PREX1: variants seen among roughly 807,000 people sequenced by gnomAD.
PREX1 encodes phosphatidylinositol-3,4,5-trisphosphate dependent Rac exchange factor 1, also known as phosphatidylinositol 3,4,5-trisphosphate-dependent Rac exchanger 1 protein.
A neutral mutation model predicts 198.3 loss-of-function variants in PREX1; 41 were observed. That is an observed-to-expected ratio of 0.21 (90% CI 0.16 to 0.27). The LOEUF (loss-of-function observed/expected upper bound fraction) is 0.27, where lower values mean the gene tolerates loss of function less well. PREX1 is among the 10% of genes least tolerant of loss of function. The pLI, the probability that PREX1 is intolerant of heterozygous loss-of-function variation, is 1.00. For synonymous variants in PREX1, 843 were observed against 887.2 expected (o/e 0.95, Z 0.89); for missense variants, 1,620 against 2,200.7 (o/e 0.74, Z 5.28).
chr20:48,719,267 C>T (rs2123112047), intron 5 of PREX1, among the ~76,000 whole-genome samples: 1 of 152,128 alleles, frequency 6.6e-6, no homozygotes, highest in East Asian at 1.9e-4. Context: ...GATGGGGCAG[C>T]TGAGCATGGC....
chr20:48,870,381 C>T, the PREX1 span, among the ~76,000 whole-genome samples: 4 of 152,216 alleles, frequency 2.6e-5, no homozygotes, highest in East Asian at 1.9e-4. Flanking sequence ...TTGAGTGACT[C>T]GCCTCAAGTT....
rs764630993 is a variant in PREX1 at position 48,734,535 on chromosome 20, G to C, written c.519+11C>G. On this transcript the variant is annotated intron_variant, in intron 4 of 39. Coordinates refer to ENST00000371941, the MANE Select transcript of PREX1 (RefSeq NM_020820.4). The stretch of plus-strand genomic sequence containing the variant: ...GTGCAAGGGAGCACCAGGGCTGACG[G>C]GTCAACTTACCAAAAGGAAGGCGCG... 10 of 1,611,818 alleles carry C rather than the reference G, an allele frequency of 6.2e-6. No individual in the cohort carries two copies. The highest frequency in any genetic ancestry group is 3.3e-5 in the South Asian group (3 of 91,028).
intron 2 of PREX1, among the ~76,000 whole-genome samples, chr20:48,745,729 C>A (rs1421479341): frequency 6.6e-6 from 1 of 152,198 alleles, no homozygotes; most frequent in African/African-American, 2.4e-5. Context: ...AACACTAATA[C>A]AATTTGACCC....
rs530274617 is a variant in PREX1, at chr20:48,694,114, G to A, written c.918-1324C>T. On this transcript the variant is annotated intron_variant, in intron 7 of 39. Coordinates refer to ENST00000371941, the MANE Select transcript of PREX1 (RefSeq NM_020820.4). ...TTTAGTAGAGACAGGGTTTCACCATGTTGGCCAGGCTGGTCTCGAACTCCT... is the reference window on the plus strand; with the variant it reads ...TTTAGTAGAGACAGGGTTTCACCATATTGGCCAGGCTGGTCTCGAACTCCT... Among the ~76,000 whole-genome samples the A allele has an allele frequency of 3.2e-3, 486 of 152,120 alleles. 1 individual carries two copies. Among genetic ancestry groups the A allele is most frequent in the African/African-American group, 0.011 (450 of 41,498 alleles).
In PREX1 at chr20:48,657,649, C is replaced by CCA. The variant is rs1304577997; in HGVS notation, c.1975-463_1975-462dup. On this transcript the variant is annotated intron_variant, in intron 17 of 39. Transcript: ENST00000371941. ...TTGCAGCCCAAAGCATTCCTAATTGCCACAGGGGCAAGCTGGGCTCCAGCC... is the reference window on the plus strand; with the variant it reads ...TTGCAGCCCAAAGCATTCCTAATTGCCACACAGGGGCAAGCTGGGCTCCAGCC... Among the ~76,000 whole-genome samples, 8 of 152,310 alleles carry CCA rather than the reference C, an allele frequency of 5.3e-5. No homozygotes were observed. The East Asian group carries it at 1.2e-3, about 22-fold the overall frequency.
At chr20:48,800,091 G>A (rs1010857588) in intron 1 of PREX1, among the ~76,000 whole-genome samples, 3 of 152,178 alleles carry the variant, frequency 2.0e-5, no homozygotes, top group African/African-American at 4.8e-5. Flanking sequence ...TTTGAATAAA[G>A]CTATTTCACC....
intron 1 of PREX1, among the ~76,000 whole-genome samples, chr20:48,784,898 T>G (rs117732959): frequency 2.0e-3 from 304 of 151,976 alleles, no homozygotes; most frequent in Middle Eastern, 0.014. Flanking sequence ...CTTCCAGATA[T>G]CATTTCTATT....
chr20:48,726,432 T>C (rs370515411), intron 4 of PREX1, 41 bp from the exon 5 acceptor site: 3 of 1,470,626 alleles, frequency 2.0e-6, no homozygotes, highest in African/African-American at 1.4e-5. Flanking sequence ...CCACCAAGGA[T>C]AGCACAGGGA....
intron 1 of PREX1, among the ~76,000 whole-genome samples, chr20:48,791,934 C>T (rs770070325): frequency 2.6e-5 from 4 of 152,206 alleles, no homozygotes; most frequent in Non-Finnish European, 4.4e-5. Context: ...CGAGTTCCCG[C>T]ACGGGGACTG....
At chr20:48,737,889 G>A (rs1035545701) in intron 3 of PREX1, among the ~76,000 whole-genome samples, 1 of 152,152 alleles carries the variant, frequency 6.6e-6, no homozygotes, top group Non-Finnish European at 1.5e-5. Context: ...CGGAGTCCTG[G>A]ATCTAGCTAT....
intron 1 of PREX1, among the ~76,000 whole-genome samples, chr20:48,803,385 A>G (rs925812783): frequency 6.6e-6 from 1 of 152,140 alleles, no homozygotes; most frequent in Admixed American, 6.5e-5. Flanking sequence ...TGAACCCAAC[A>G]GATTTGCATG....
chr20:48,790,307 G>A (rs1427013099), intron 1 of PREX1, among the ~76,000 whole-genome samples: 1 of 152,112 alleles, frequency 6.6e-6, no homozygotes, highest in Non-Finnish European at 1.5e-5. Flanking sequence ...CCATTCTAGG[G>A]CTGACCCAGT....
intron 1 of PREX1, among the ~76,000 whole-genome samples, chr20:48,798,606 G>A (rs999228931): frequency 6.6e-6 from 1 of 152,150 alleles, no homozygotes; most frequent in African/African-American, 2.4e-5. Flanking sequence ...CAGCCCATGC[G>A]CTTGCAAACT....
At chr20:48,676,352 G>A in intron 13 of PREX1, 84 bp from the exon 14 acceptor site, 2 of 1,295,602 alleles carry the variant, frequency 1.5e-6, no homozygotes, top group Admixed American at 1.7e-5. Context: ...TGCAGGACGT[G>A]CCCACGAGTC....
chr20:48,837,223 G>A, the PREX1 span, among the ~76,000 whole-genome samples: 46,250 of 152,102 alleles, frequency 0.3, 7,220 homozygotes, highest in Non-Finnish European at 0.33. Flanking sequence ...ACTGCTGGTG[G>A]GAGTGTAAAT....
At chr20:48,862,790 A>AAAAAAATATATAT in the PREX1 span, among the ~76,000 whole-genome samples, 6 of 102,574 alleles carry the variant, frequency 5.8e-5, no homozygotes, top group African/African-American at 2.6e-4. Context: ...TAAAAAAAAA[A>AAAAAAATATATAT]ATATATATAT....
intron 7 of PREX1, among the ~76,000 whole-genome samples, chr20:48,693,715 C>T (rs1376263028): frequency 6.6e-6 from 1 of 151,550 alleles, no homozygotes. Context: ...ACAAGCGATT[C>T]TCCTGCCTCA....
chr20:48,692,620 G>C lies in PREX1; in HGVS notation c.1036+52C>G. The C allele has an allele frequency of 2.1e-6, 3 of 1,412,576 alleles. No homozygotes were observed. The South Asian group carries it at 3.5e-5, about 16-fold the overall frequency. The allele number at this position is 1,412,576 out of a possible 1,614,324, so 87.5% of individuals were successfully genotyped here. ...TTTAAATGAAACAGAGAGAGTGCCA[G>C]GGAGCAGGCAGGGCTCAGGCAGGGC... On this transcript the variant is annotated intron_variant, in intron 8 of 39. Transcript: ENST00000371941.
At chr20:48,862,778 C>A in the PREX1 span, among the ~76,000 whole-genome samples, 2 of 44,666 alleles carry the variant, frequency 4.5e-5, no homozygotes, top group East Asian at 3.8e-4. Flanking sequence ...GCTAAAAAAG[C>A]CTAAAAAAAA....
Sources: allele counts gnomAD v4.1 joint callset (sites outside exome capture counted in the v4.1 genomes callset), GRCh38; gene constraint gnomAD v4.1.1; transcripts MANE v1.5; gene names NCBI Gene and HGNC (gene_info 2026-07-23, HGNC 2026-07-21).